STAB2: variants seen among roughly 807,000 people sequenced by gnomAD.
STAB2 encodes stabilin 2, also known as stabilin-2.
In STAB2, 288 loss-of-function variants were observed where a neutral mutation model predicts 338.1. The ratio of observed to expected loss-of-function variants is 0.85; its 90% CI spans 0.77 to 0.94. The LOEUF (loss-of-function observed/expected upper bound fraction) is 0.94. Among genes scored for constraint, STAB2 ranks in the 40% least tolerant of loss-of-function variants. STAB2 has a pLI of 0.00. For missense variants in STAB2, 3,141 were observed against 3,210.1 expected (o/e 0.98, Z 0.52); for synonymous variants, 1,202 against 1,193.3 (o/e 1.01, Z -0.15).
intron 3 of STAB2, among the ~76,000 whole-genome samples, chr12:103,610,000 C>T (rs1022274070): frequency 3.3e-5 from 5 of 152,196 alleles, no homozygotes; most frequent in Middle Eastern, 3.4e-3. Flanking sequence ...TATTGATTTG[C>T]GTATGTTGAA....
intron 31 of STAB2, among the ~76,000 whole-genome samples, chr12:103,694,117 G>A (rs1221743939): frequency 1.3e-5 from 2 of 152,086 alleles, no homozygotes; most frequent in African/African-American, 2.4e-5. Context: ...CTTTGTCAGG[G>A]CCACCATTGT....
intron 58 of STAB2, among the ~76,000 whole-genome samples, chr12:103,747,691 T>C (rs1163385483): frequency 6.6e-6 from 1 of 152,072 alleles, no homozygotes; most frequent in Admixed American, 6.5e-5. Flanking sequence ...GAAAATCTAT[T>C]ATTACAGAAA....
chr12:103,618,972 G>A (rs960328357), intron 3 of STAB2, among the ~76,000 whole-genome samples: 2 of 152,122 alleles, frequency 1.3e-5, no homozygotes, highest in Non-Finnish European at 2.9e-5. Flanking sequence ...GTTTTATAAA[G>A]AGGAATTCCC....
chr12:103,664,813 G>C (rs10745977), intron 18 of STAB2, among the ~76,000 whole-genome samples: 84,727 of 152,036 alleles, frequency 0.56, 24,722 homozygotes, highest in East Asian at 0.8. Flanking sequence ...CTGATCCTCT[G>C]TGCCAGTCAG....
At chr12:103,613,846 G>A (rs910923588) in intron 3 of STAB2, among the ~76,000 whole-genome samples, 1 of 152,056 alleles carries the variant, frequency 6.6e-6, no homozygotes, top group African/African-American at 2.4e-5. Context: ...TCTTCATTTT[G>A]TATAGTTAAT....
intron 1 of STAB2, among the ~76,000 whole-genome samples, 159 bp downstream of exon 1, chr12:103,587,716 C>A (rs184324076): frequency 2.0e-4 from 30 of 152,366 alleles, no homozygotes; most frequent in African/African-American, 7.0e-4. Flanking sequence ...GATGCACCAT[C>A]TTTCCGAAGG....
chr12:103,648,576 CT>C (rs1331549212), intron 9 of STAB2, 113 bp from the exon 10 acceptor site: 22 of 1,405,590 alleles, frequency 1.6e-5, no homozygotes, highest in Non-Finnish European at 2.1e-5. Flanking sequence ...TCTCTTGTCC[CT>C]ATTCAACCCT....
At chr12:103,610,368 T>A (rs1449553479) in intron 3 of STAB2, among the ~76,000 whole-genome samples, 1 of 152,226 alleles carries the variant, frequency 6.6e-6, no homozygotes, top group Non-Finnish European at 1.5e-5. Flanking sequence ...TTTCAGAGCC[T>A]GTTATTGGTC....
intron 3 of STAB2, among the ~76,000 whole-genome samples, chr12:103,610,070 G>C (rs1465137024): frequency 6.6e-6 from 1 of 152,150 alleles, no homozygotes; most frequent in Non-Finnish European, 1.5e-5. Flanking sequence ...TTTTTGATGT[G>C]TTGCTGGATT....
At chr12:103,597,983 T>G (rs1956901747) in intron 3 of STAB2, among the ~76,000 whole-genome samples, 1 of 152,234 alleles carries the variant, frequency 6.6e-6, no homozygotes, top group Non-Finnish European at 1.5e-5. Flanking sequence ...TCATGTTATT[T>G]GCATTTCCAG....
chr12:103,681,377 A>C (rs1441059109), intron 25 of STAB2, among the ~76,000 whole-genome samples: 1 of 152,176 alleles, frequency 6.6e-6, no homozygotes, highest in Non-Finnish European at 1.5e-5. Context: ...GGCATAGAAC[A>C]ACAAAAATGT....
At chr12:103,614,548 A>C (rs1042109827) in intron 3 of STAB2, among the ~76,000 whole-genome samples, 1 of 152,216 alleles carries the variant, frequency 6.6e-6, no homozygotes, top group Non-Finnish European at 1.5e-5. Flanking sequence ...CCAGCTGCCC[A>C]GTGCTACAGG....
chr12:103,680,691 A>G (rs1406125358), intron 25 of STAB2, among the ~76,000 whole-genome samples: 1 of 152,236 alleles, frequency 6.6e-6, no homozygotes, highest in Admixed American at 6.5e-5. Context: ...TGGAAGATGC[A>G]GTGATAAGCA....
chr12:103,701,268 GT>G (rs1243825685), intron 34 of STAB2, among the ~76,000 whole-genome samples: 1 of 151,706 alleles, frequency 6.6e-6, no homozygotes, highest in Non-Finnish European at 1.5e-5. Flanking sequence ...GGACATTTGG[GT>G]TGGTTCCAAG....
At position 103,746,675 on chromosome 12, in the gene STAB2, A is replaced by G; in HGVS notation, c.6215A>G (p.Asp2072Gly). The change falls in exon 58 of 69, where the codon GAT (aspartate) becomes GGT (glycine). Residue 2072 changes from aspartate to glycine, a missense_variant. By Grantham distance (94) the Asp-to-Gly change is moderately conservative. Coordinates refer to ENST00000388887, the MANE Select transcript of STAB2 (RefSeq NM_017564.10). ...AACAACACGTGTGAGTGTAACCTGGATTATGAAGGTGACGGAATCACATGC... is the reference window on the plus strand; with the variant it reads ...AACAACACGTGTGAGTGTAACCTGGGTTATGAAGGTGACGGAATCACATGC... ...KENNTCECNL[D>G]YEGDGITCTV... 6.2e-7 allele frequency: 1 copy of G among 1,614,026 alleles called. No homozygotes were observed. Among genetic ancestry groups the G allele is most frequent in the Non-Finnish European group, 8.5e-7 (1 of 1,179,948 alleles).
chr12:103,592,800 T>C lies in STAB2; in HGVS notation c.216-1595T>C, dbSNP rs1053263179. ...TAAATCTCTAGAATGTTTTCATCTT[T>C]CATAACCAAAACTTTGTACCCTGCA... On this transcript the variant is annotated intron_variant, in intron 2 of 68. Transcript: ENST00000388887. Among the ~76,000 whole-genome samples, 7 of 152,214 alleles carry C rather than the reference T, an allele frequency of 4.6e-5. No individual in the cohort carries two copies. In the South Asian group the frequency reaches 1.0e-3, roughly 22 times the overall value.
intron 56 of STAB2, among the ~76,000 whole-genome samples, chr12:103,744,336 G>C (rs1340194344): frequency 6.6e-6 from 1 of 151,640 alleles, no homozygotes; most frequent in Non-Finnish European, 1.5e-5. Context: ...ATTTTTTGTA[G>C]AGATTGAGTC....
chr12:103,684,227 C>G (rs1460376301), intron 26 of STAB2, among the ~76,000 whole-genome samples: 1 of 152,186 alleles, frequency 6.6e-6, no homozygotes, highest in Non-Finnish European at 1.5e-5. Flanking sequence ...TATTAGCACC[C>G]CATGTCCCCG....
At chr12:103,706,507 G>T (rs896867707) in intron 37 of STAB2, among the ~76,000 whole-genome samples, 3 of 152,064 alleles carry the variant, frequency 2.0e-5, no homozygotes, top group African/African-American at 4.8e-5. Flanking sequence ...TTCTTCTGCT[G>T]CCCCTCCTCC....
Sources: allele counts gnomAD v4.1 joint callset (sites outside exome capture counted in the v4.1 genomes callset), GRCh38; gene constraint gnomAD v4.1.1; transcripts MANE v1.5; gene names NCBI Gene and HGNC (gene_info 2026-07-23, HGNC 2026-07-21).